LAMA2: variants seen among roughly 807,000 people sequenced by gnomAD.
LAMA2 encodes the protein laminin subunit alpha 2.
Under a neutral mutation model 364.8 loss-of-function variants are expected in LAMA2, and 269 were observed. The ratio of observed to expected loss-of-function variants is 0.74; its 90% CI spans 0.67 to 0.82. LAMA2 has a LOEUF of 0.82. Ranked by LOEUF, LAMA2 falls within the 40% of genes least tolerant of loss-of-function variation. The pLI, the probability that LAMA2 is intolerant of heterozygous loss-of-function variation, is 0.00. For synonymous variants in LAMA2, 1,379 were observed against 1,370.6 expected (o/e 1.01, Z -0.14); for missense variants, 3,807 against 3,873.2 (o/e 0.98, Z 0.45).
Position 129,402,426 on chromosome 6 carries a change from A to G in LAMA2, c.5665A>G (p.Lys1889Glu), listed in dbSNP as rs886061051. 13 of 1,614,020 alleles carry G rather than the reference A, an allele frequency of 8.1e-6. No individual in the cohort carries two copies. Among genetic ancestry groups the G allele is most frequent in the East Asian group, 2.2e-5 (1 of 44,880 alleles). Residue 1889 changes from lysine (K) to glutamate (E), a missense_variant, in exon 39 of 65, where the codon AAG (lysine) becomes GAG (glutamate). Lys to Glu is a moderately conservative substitution (Grantham distance 56, BLOSUM62 1). Coordinates refer to ENST00000421865, the MANE Select transcript of LAMA2 (RefSeq NM_000426.4). Reference sequence around the variant, plus strand: ...AATAAAGGACAGGAAGCTTGCTGAGAAGGTGTCCCAGGCTGAGAGCCACGC... The same window carrying G: ...AATAAAGGACAGGAAGCTTGCTGAGGAGGTGTCCCAGGCTGAGAGCCACGC... ...QEIKDRKLAE[K>E]VSQAESHAAQ... is the part of the protein sequence containing the mutation.
At chr6:129,236,253 A>G (rs1265188206) in intron 12 of LAMA2, among the ~76,000 whole-genome samples, 1 of 152,218 alleles carries the variant, frequency 6.6e-6, no homozygotes, top group Non-Finnish European at 1.5e-5. Context: ...TAATTTGTCC[A>G]AAGTTCTATT....
intron 12 of LAMA2, among the ~76,000 whole-genome samples, chr6:129,213,482 G>A (rs1438528950): frequency 6.6e-6 from 1 of 152,104 alleles, no homozygotes; most frequent in Non-Finnish European, 1.5e-5. Context: ...GTATAATTTT[G>A]CATTCTCACC....
chr6:129,134,074 C>T (rs1365279429), intron 4 of LAMA2, among the ~76,000 whole-genome samples: 1 of 152,174 alleles, frequency 6.6e-6, no homozygotes, highest in East Asian at 1.9e-4. Context: ...CACACGGGGA[C>T]TGAAAACAAA....
chr6:129,156,306 A>C (rs1282696868), intron 8 of LAMA2, among the ~76,000 whole-genome samples: 1 of 151,982 alleles, frequency 6.6e-6, no homozygotes, highest in Non-Finnish European at 1.5e-5. Flanking sequence ...TGAATCATTT[A>C]ACCAATGAAC....
chr6:129,135,664 T>C (rs1276637382), intron 4 of LAMA2, among the ~76,000 whole-genome samples: 1 of 152,232 alleles, frequency 6.6e-6, no homozygotes, highest in Non-Finnish European at 1.5e-5. Context: ...TTTGGAGCAA[T>C]GCAAATGTTC....
chr6:129,299,887 C>T (rs1012569167), intron 21 of LAMA2, among the ~76,000 whole-genome samples: 12 of 152,112 alleles, frequency 7.9e-5, no homozygotes, highest in Non-Finnish European at 1.3e-4. Flanking sequence ...AAAGTTTACT[C>T]ATAACATTAG....
Position 129,270,672 on chromosome 6 carries a change from G to A in LAMA2, c.2371G>A (p.Gly791Ser). The A allele has an allele frequency of 6.2e-7, 1 of 1,613,028 alleles. No individual in the cohort carries two copies. The highest frequency in any genetic ancestry group is 8.5e-7 in the Non-Finnish European group (1 of 1,179,330). The change falls in exon 17 of 65, where the codon GGT (glycine) becomes AGT (serine). Residue 791 changes from glycine to serine, a missense_variant. Coordinates refer to ENST00000421865, the MANE Select transcript of LAMA2 (RefSeq NM_000426.4). ...CCCATATTGTGATAAATGTCTTCCTGGTTTCTATGGCGAGCCTACTAAAGG... is the reference window on the plus strand; with the variant it reads ...CCCATATTGTGATAAATGTCTTCCTAGTTTCTATGGCGAGCCTACTAAAGG... The part of the protein sequence containing the change: ...GGPYCDKCLP[G>S]FYGEPTKGTS...
chr6:129,190,115 T>C, intron 10 of LAMA2, 90 bp from the exon 11 acceptor site: 1 of 1,263,104 alleles, frequency 7.9e-7, no homozygotes, highest in Non-Finnish European at 1.2e-6. Context: ...AAATGAAGAA[T>C]GTACAGTTAA....
chr6:128,956,681 ATTG>A (rs765914753), intron 1 of LAMA2, among the ~76,000 whole-genome samples: 7 of 152,022 alleles, frequency 4.6e-5, no homozygotes, highest in Non-Finnish European at 1.0e-4. Context: ...GGCTTTTCCT[ATTG>A]TTCTCTGTCA....
At chr6:129,141,266 C>T (rs943707915) in intron 4 of LAMA2, among the ~76,000 whole-genome samples, 2 of 151,980 alleles carry the variant, frequency 1.3e-5, no homozygotes, top group African/African-American at 4.8e-5. Context: ...ATTCTTTTAA[C>T]ATTTAACTCT....
intron 1 of LAMA2, among the ~76,000 whole-genome samples, chr6:128,943,459 CT>C (rs11288751): frequency 0.13 from 19,128 of 145,712 alleles, 1,471 homozygotes; most frequent in African/African-American, 0.23. Context: ...AGTTATTGTA[CT>C]TTTTTTTTTT....
At chr6:129,202,232 G>T (rs114174124) in intron 12 of LAMA2, among the ~76,000 whole-genome samples, 1 of 149,682 alleles carries the variant, frequency 6.7e-6, no homozygotes, top group Non-Finnish European at 1.5e-5. Context: ...AAACACAACA[G>T]GTGCAGAGGA....
chr6:129,223,013 A>T (rs957253457), intron 12 of LAMA2, among the ~76,000 whole-genome samples: 9 of 152,222 alleles, frequency 5.9e-5, no homozygotes, highest in African/African-American at 1.7e-4. Context: ...TGTTGTTTCC[A>T]GACTTTTTAA....
At chr6:129,163,343 T>C (rs1779555454) in intron 8 of LAMA2, among the ~76,000 whole-genome samples, 1 of 152,252 alleles carries the variant, frequency 6.6e-6, no homozygotes, top group Admixed American at 6.5e-5. Context: ...TTTTAAAATA[T>C]TCTCATTAGG....
intron 1 of LAMA2, among the ~76,000 whole-genome samples, chr6:129,008,646 GTAA>G (rs906526067): frequency 1.3e-5 from 2 of 152,090 alleles, no homozygotes; most frequent in Admixed American, 6.6e-5. Context: ...AGATGCAAAA[GTAA>G]TAATAATATT....
intron 1 of LAMA2, among the ~76,000 whole-genome samples, chr6:128,972,331 C>T (rs532475456): frequency 5.3e-5 from 8 of 152,236 alleles, no homozygotes; most frequent in Non-Finnish European, 1.0e-4. Context: ...TGACCTTGTT[C>T]TTTGCTGTAT....
chr6:129,439,150 G>A (rs1013276508), intron 42 of LAMA2, among the ~76,000 whole-genome samples: 1 of 151,542 alleles, frequency 6.6e-6, no homozygotes, highest in Non-Finnish European at 1.5e-5. Context: ...CCTATGCATA[G>A]CCTCCCATAT....
At chr6:129,511,998 A>ATTCT (rs1470089827) in intron 62 of LAMA2, among the ~76,000 whole-genome samples, 1 of 152,180 alleles carries the variant, frequency 6.6e-6, no homozygotes, top group East Asian at 1.9e-4. Flanking sequence ...TGACAGTGAG[A>ATTCT]TTCTTTAAGT....
At chr6:129,454,474 C>T (rs1406992061) in intron 47 of LAMA2, among the ~76,000 whole-genome samples, 186 bp downstream of exon 47, 5 of 152,082 alleles carry the variant, frequency 3.3e-5, no homozygotes, top group Admixed American at 1.3e-4. Context: ...ACTGACAAAC[C>T]TTCCAGGTAT....
Sources: allele counts gnomAD v4.1 joint callset (sites outside exome capture counted in the v4.1 genomes callset), GRCh38; gene constraint gnomAD v4.1.1; transcripts MANE v1.5; gene names NCBI Gene and HGNC (gene_info 2026-07-23, HGNC 2026-07-21).